Variants in MRPS28 observed in about 807,000 individuals in gnomAD.
MRPS28 encodes mitochondrial ribosomal protein S28.
Under a neutral mutation model 10.8 loss-of-function variants are expected in MRPS28, and 7 were observed. That is an observed-to-expected ratio of 0.65 (90% CI 0.37 to 1.22). The LOEUF (loss-of-function observed/expected upper bound fraction) is 1.22. Among genes scored for constraint, MRPS28 ranks in the 50% most tolerant of loss-of-function variants. The pLI, the probability that MRPS28 is intolerant of heterozygous loss-of-function variation, is 0.02. For missense variants in MRPS28, 265 were observed against 232.9 expected (o/e 1.14, Z -0.90); for synonymous variants, 121 against 93.3 (o/e 1.30, Z -1.71).
At chr8:79,962,772 G>A (rs553033571) in intron 2 of MRPS28, among the ~76,000 whole-genome samples, 3 of 152,110 alleles carry the variant, frequency 2.0e-5, no homozygotes, top group South Asian at 2.1e-4. Context: ...TAGTTGGAAC[G>A]CAATTCTAAA....
intron 1 of MRPS28, among the ~76,000 whole-genome samples, chr8:80,028,458 G>A (rs1017437278): frequency 6.6e-6 from 1 of 151,910 alleles, no homozygotes; most frequent in Non-Finnish European, 1.5e-5. Flanking sequence ...ATATATGGTA[G>A]AAAGAATAAT....
At chr8:79,948,272 C>A (rs902221374) in intron 2 of MRPS28, among the ~76,000 whole-genome samples, 5 of 152,176 alleles carry the variant, frequency 3.3e-5, no homozygotes, top group South Asian at 2.1e-4. Context: ...CAAGTGTGAG[C>A]CACTGTGCCC....
chr8:79,923,060 T>G (rs1051741518), intron 2 of MRPS28, among the ~76,000 whole-genome samples: 4 of 152,270 alleles, frequency 2.6e-5, no homozygotes, highest in Middle Eastern at 3.4e-3. Flanking sequence ...TAGAAATAAA[T>G]GTCCTTTTGT....
At chr8:79,993,560 C>T (rs1246801583) in intron 2 of MRPS28, among the ~76,000 whole-genome samples, 3 of 152,226 alleles carry the variant, frequency 2.0e-5, no homozygotes, top group East Asian at 1.9e-4. Context: ...TGGAACATCT[C>T]TAAGATCATA....
At chr8:79,962,330 G>A (rs183242011) in intron 2 of MRPS28, among the ~76,000 whole-genome samples, 15 of 152,222 alleles carry the variant, frequency 9.9e-5, no homozygotes, top group Admixed American at 2.0e-4. Flanking sequence ...ACAAGGCAAG[G>A]GGGTATGAGC....
At chr8:79,982,749 CA>C (rs1808003685) in intron 2 of MRPS28, among the ~76,000 whole-genome samples, 1 of 152,210 alleles carries the variant, frequency 6.6e-6, no homozygotes, top group South Asian at 2.1e-4. Flanking sequence ...CTTAGGTAAA[CA>C]AAGCAGCCGG....
At chr8:79,934,620 A>G (rs929776181) in intron 2 of MRPS28, among the ~76,000 whole-genome samples, 3 of 152,242 alleles carry the variant, frequency 2.0e-5, no homozygotes, top group Non-Finnish European at 2.9e-5. Flanking sequence ...TGGCAAGCCA[A>G]TTAAAGAATA....
At position 79,961,198 on chromosome 8, in the gene MRPS28, A is replaced by G. The variant is rs142007592; in HGVS notation, c.395+41801T>C. 8.6e-3 allele frequency among the ~76,000 whole-genome samples: 1,309 copies of G among 152,234 alleles called. 26 individuals are homozygous for G. The highest frequency in any genetic ancestry group is 0.03 in the African/African-American group (1,247 of 41,548). ...ATATAATCTGATATCAGAGATCTCT[A>G]CTTGAAGATAATTCAAGAATATCTA... is the stretch of plus-strand genomic sequence containing the variant. On this transcript the variant is annotated intron_variant, in intron 2 of 2. Transcript: ENST00000276585.
chr8:80,013,121 C>T (rs1809097516), intron 1 of MRPS28, among the ~76,000 whole-genome samples: 1 of 151,992 alleles, frequency 6.6e-6, no homozygotes, highest in Non-Finnish European at 1.5e-5. Flanking sequence ...ATGACCAACT[C>T]AGCCAATAAA....
intron 2 of MRPS28, among the ~76,000 whole-genome samples, chr8:79,984,095 C>A (rs1808070409): frequency 6.6e-6 from 1 of 151,974 alleles, no homozygotes; most frequent in African/African-American, 2.4e-5. Context: ...ACTATACAAG[C>A]CAGAAGAGAG....
chr8:80,006,349 T>C (rs997535170), intron 1 of MRPS28, among the ~76,000 whole-genome samples: 1 of 152,050 alleles, frequency 6.6e-6, no homozygotes, highest in Non-Finnish European at 1.5e-5. Context: ...CTCAACTACA[T>C]GGAAACTGAA....
At chr8:79,976,677 G>T (rs1481466344) in intron 2 of MRPS28, among the ~76,000 whole-genome samples, 1 of 152,174 alleles carries the variant, frequency 6.6e-6, no homozygotes, top group Non-Finnish European at 1.5e-5. Context: ...CTGCACTCCA[G>T]TCTGGGCAAC....
At chr8:80,024,419 G>T (rs974945340) in intron 1 of MRPS28, among the ~76,000 whole-genome samples, 3 of 152,112 alleles carry the variant, frequency 2.0e-5, no homozygotes, top group African/African-American at 7.2e-5. Context: ...TTTAACTTCG[G>T]TTCCCTTTAA....
At chr8:79,933,488 ACT>A (rs1806522426) in intron 2 of MRPS28, among the ~76,000 whole-genome samples, 1 of 152,170 alleles carries the variant, frequency 6.6e-6, no homozygotes. Flanking sequence ...GGGGGATAAA[ACT>A]CTGTACATAA....
At chr8:79,998,424 G>GT (rs1167814865) in intron 2 of MRPS28, among the ~76,000 whole-genome samples, 1 of 152,094 alleles carries the variant, frequency 6.6e-6, no homozygotes, top group Non-Finnish European at 1.5e-5. Flanking sequence ...CTAAATATAC[G>GT]TATGTCTATT....
intron 2 of MRPS28, among the ~76,000 whole-genome samples, chr8:79,984,076 T>C (rs1808069876): frequency 6.6e-6 from 1 of 152,000 alleles, no homozygotes; most frequent in Admixed American, 6.5e-5. Flanking sequence ...AGCGGATCTC[T>C]TGGCAGAAAC....
At chr8:79,935,166 C>T (rs1247972931) in intron 2 of MRPS28, among the ~76,000 whole-genome samples, 4 of 152,172 alleles carry the variant, frequency 2.6e-5, no homozygotes, top group Admixed American at 1.3e-4. Flanking sequence ...CAATACATTA[C>T]GATACTTTCC....
chr8:79,979,630 C>A (rs1000199547), intron 2 of MRPS28, among the ~76,000 whole-genome samples: 3 of 152,006 alleles, frequency 2.0e-5, no homozygotes, highest in Non-Finnish European at 4.4e-5. Context: ...CTCAAGAAAT[C>A]CTCCTGCCTC....
intron 2 of MRPS28, among the ~76,000 whole-genome samples, chr8:79,997,380 C>T (rs1163668372): frequency 6.6e-6 from 1 of 152,190 alleles, no homozygotes; most frequent in African/African-American, 2.4e-5. Flanking sequence ...AGGGGGTCCA[C>T]TCACTGAAGC....
Sources: gnomAD v4.1 joint callset for allele counts (sites outside exome capture counted in the v4.1 genomes callset) on GRCh38, gnomAD v4.1.1 for gene constraint, MANE v1.5 for transcripts, NCBI Gene and HGNC (gene_info 2026-07-23, HGNC 2026-07-21) for gene names.